Variants in PCCA observed in about 807,000 individuals in gnomAD.
PCCA encodes propionyl-CoA carboxylase subunit alpha, also known as propionyl-CoA carboxylase alpha chain, mitochondrial.
PCCA carries 74 observed loss-of-function variants against 101.3 expected under a neutral mutation model. The observed-to-expected ratio is 0.73, with a 90% CI of 0.61 to 0.89. PCCA has a LOEUF of 0.89. Ranked by LOEUF, PCCA falls within the 40% of genes least tolerant of loss-of-function variation. PCCA has a pLI of 0.00. For missense variants in PCCA, 891 were observed against 907.0 expected, an observed-to-expected ratio of 0.98 and a Z score of 0.23; for synonymous variants, 294 against 313.6, an observed-to-expected ratio of 0.94 and a Z score of 0.66.
intron 19 of PCCA, among the ~76,000 whole-genome samples, chr13:100,417,419 C>T (rs1319646986): frequency 6.6e-6 from 1 of 152,202 alleles, no homozygotes; most frequent in Non-Finnish European, 1.5e-5. Context: ...AAACAGGCGG[C>T]ACTTCCATGT....
At chr13:100,207,005 G>GTT (rs1459392470) in intron 6 of PCCA, among the ~76,000 whole-genome samples, 1 of 152,166 alleles carries the variant, frequency 6.6e-6, no homozygotes, top group African/African-American at 2.4e-5. Flanking sequence ...AAACACTCAA[G>GTT]TTTAACTGTT....
chr13:100,106,406 A>G lies in PCCA; in HGVS notation c.183+3446A>G, dbSNP rs116420088. 7.9e-3 allele frequency among the ~76,000 whole-genome samples: 1,197 copies of G among 152,108 alleles called. 11 individuals are homozygous for G. Among genetic ancestry groups the G allele is most frequent in the African/African-American group, 0.027 (1,129 of 41,488 alleles). On this transcript the variant is annotated intron_variant, in intron 2 of 23. Transcript: ENST00000376285. ...TAAATGTATGTAACTGTCTGGGTTT[A>G]GCACATTTATTTATTTATTTTTGAG... is the stretch of plus-strand genomic sequence containing the variant.
chr13:100,192,935 T>C (rs1332823829), intron 6 of PCCA, among the ~76,000 whole-genome samples: 1 of 152,186 alleles, frequency 6.6e-6, no homozygotes, highest in Non-Finnish European at 1.5e-5. Context: ...GGTACATGTG[T>C]TGTTGTTTGT....
chr13:100,331,570 CAG>C (rs1316301410), intron 17 of PCCA, among the ~76,000 whole-genome samples: 23 of 152,076 alleles, frequency 1.5e-4, no homozygotes, highest in African/African-American at 5.3e-4. Flanking sequence ...TAAGACTCAA[CAG>C]AGATAACTGA....
chr13:100,314,387 G>T (rs1168732525), intron 16 of PCCA, among the ~76,000 whole-genome samples: 1 of 152,026 alleles, frequency 6.6e-6, no homozygotes, highest in Non-Finnish European at 1.5e-5. Flanking sequence ...TTTTATGAAG[G>T]CCTGACTAGG....
At chr13:100,461,968 T>G (rs755211077) in intron 21 of PCCA, among the ~76,000 whole-genome samples, 17 of 152,216 alleles carry the variant, frequency 1.1e-4, no homozygotes, top group Non-Finnish European at 2.4e-4. Flanking sequence ...TTTGTATTCC[T>G]GACCCTTTTC....
chr13:100,297,956 CT>C (rs2065685212), intron 12 of PCCA, among the ~76,000 whole-genome samples: 1 of 151,054 alleles, frequency 6.6e-6, no homozygotes, highest in African/African-American at 2.4e-5. Flanking sequence ...GGGCTTACTC[CT>C]TTTTTGTGAG....
At chr13:100,458,074 A>G (rs1321526870) in intron 21 of PCCA, among the ~76,000 whole-genome samples, 3 of 152,104 alleles carry the variant, frequency 2.0e-5, no homozygotes, top group Non-Finnish European at 4.4e-5. Context: ...TAGATTTCAG[A>G]TTTTATAGAG....
intron 4 of PCCA, among the ~76,000 whole-genome samples, chr13:100,143,547 A>T (rs1189277458): frequency 2.1e-5 from 3 of 143,642 alleles, no homozygotes; most frequent in Admixed American, 6.6e-5. Flanking sequence ...CAAAAAAAAA[A>T]AAATAAAAAA....
chr13:100,232,348 A>ATGTGTG (rs1555387961), intron 7 of PCCA, among the ~76,000 whole-genome samples: 3 of 60,380 alleles, frequency 5.0e-5, no homozygotes, highest in East Asian at 5.3e-4. Context: ...GTGTGTGTGT[A>ATGTGTG]TGCGTGTGTG....
chr13:100,421,748 G>A (rs370882044), intron 19 of PCCA, among the ~76,000 whole-genome samples: 2 of 151,750 alleles, frequency 1.3e-5, no homozygotes, highest in African/African-American at 2.4e-5. Context: ...GTGGTGGCGC[G>A]ATCTCAGCTC....
intron 22 of PCCA, among the ~76,000 whole-genome samples, chr13:100,521,699 G>A (rs2087311807): frequency 1.3e-5 from 2 of 151,974 alleles, no homozygotes; most frequent in African/African-American, 2.4e-5. Context: ...ACTGTTAACT[G>A]AACCTTTCTT....
chr13:100,514,608 A>G (rs1281595907), intron 21 of PCCA, among the ~76,000 whole-genome samples: 1 of 152,154 alleles, frequency 6.6e-6, no homozygotes, highest in Admixed American at 6.5e-5. Context: ...AGATTTATTC[A>G]CGGAGAGGAT....
At chr13:100,491,640 T>C in intron 21 of PCCA, 1 of 1,303,272 alleles carries the variant, frequency 7.7e-7, no homozygotes, top group Non-Finnish European at 1.0e-6. Flanking sequence ...TCTTAATAAC[T>C]TTTTTGTAGC....
chr13:100,484,221 G>T (rs574141131), intron 21 of PCCA, among the ~76,000 whole-genome samples: 2 of 152,178 alleles, frequency 1.3e-5, no homozygotes, highest in South Asian at 4.2e-4. Flanking sequence ...TCAGGTGGTC[G>T]TTTGTGTTTA....
intron 19 of PCCA, among the ~76,000 whole-genome samples, chr13:100,418,589 G>A (rs1427262527): frequency 1.3e-5 from 2 of 152,000 alleles, no homozygotes; most frequent in Admixed American, 6.6e-5. Flanking sequence ...ACCTGTAATC[G>A]CAGCACTTTG....
intron 16 of PCCA, among the ~76,000 whole-genome samples, chr13:100,317,086 G>C (rs1371445787): frequency 6.6e-6 from 1 of 152,118 alleles, no homozygotes; most frequent in Non-Finnish European, 1.5e-5. Flanking sequence ...CAAAAATCCT[G>C]AGACTGCCTG....
chr13:100,485,966 G>A (rs2084341791), intron 21 of PCCA, among the ~76,000 whole-genome samples: 1 of 152,192 alleles, frequency 6.6e-6, no homozygotes, highest in South Asian at 2.1e-4. Context: ...TCCTAGTGCA[G>A]TCCCGTTAGT....
chr13:100,390,439 G>A (rs1210025557), intron 19 of PCCA, among the ~76,000 whole-genome samples: 3 of 152,180 alleles, frequency 2.0e-5, no homozygotes, highest in Admixed American at 1.3e-4. Flanking sequence ...GTTTGGGGGA[G>A]ATTCGGTCTC....
Sources: allele counts gnomAD v4.1 joint callset (sites outside exome capture counted in the v4.1 genomes callset), GRCh38; gene constraint gnomAD v4.1.1; transcripts MANE v1.5; gene names NCBI Gene and HGNC (gene_info 2026-07-23, HGNC 2026-07-21).